Variants in STAG1 observed in about 807,000 individuals in gnomAD.
The protein encoded by STAG1 is cohesin subunit SA-1.
STAG1 carries 26 observed loss-of-function variants against 170.9 expected under a neutral mutation model. The observed-to-expected ratio is 0.15, with a 90% confidence interval of 0.11 to 0.21. STAG1 has a LOEUF of 0.21. Ranked by LOEUF, STAG1 falls within the 10% of genes least tolerant of loss-of-function variation. The pLI, the probability that STAG1 is intolerant of heterozygous loss-of-function variation, is 1.00. For synonymous variants in STAG1, 514 were observed against 497.7 expected (o/e 1.03, Z -0.44); for missense variants, 964 against 1,509.5 (o/e 0.64, Z 5.99).
At chr3:136,627,200 T>C (rs1437555466) in intron 2 of STAG1, among the ~76,000 whole-genome samples, 1 of 152,232 alleles carries the variant, frequency 6.6e-6, no homozygotes, top group African/African-American at 2.4e-5. Flanking sequence ...CACTGTTATG[T>C]GTTAGTATGT....
intron 21 of STAG1, among the ~76,000 whole-genome samples, chr3:136,407,757 T>G (rs1037079762): frequency 6.6e-6 from 1 of 151,998 alleles, no homozygotes; most frequent in East Asian, 1.9e-4. Flanking sequence ...TCACTGTGAC[T>G]GGACTGTATT....
chr3:136,356,419 C>T (rs959923799), intron 28 of STAG1, among the ~76,000 whole-genome samples: 1 of 152,156 alleles, frequency 6.6e-6, no homozygotes, highest in African/African-American at 2.4e-5. Context: ...CCCAGGCTGT[C>T]ACCCAGGCTG....
intron 23 of STAG1, among the ~76,000 whole-genome samples, chr3:136,372,637 T>A (rs535122437): frequency 5.3e-5 from 8 of 152,344 alleles, no homozygotes; most frequent in Admixed American, 3.3e-4. Context: ...TCTGTTTATA[T>A]GCTGGATTAC....
intron 1 of STAG1, among the ~76,000 whole-genome samples, chr3:136,660,802 T>A (rs1559935953): frequency 1.4e-5 from 2 of 147,654 alleles, no homozygotes; most frequent in African/African-American, 2.5e-5. Flanking sequence ...ACCCAATCTC[T>A]AAAAAAAAAA....
At chr3:136,346,188 C>T (rs1416004621) in intron 29 of STAG1, among the ~76,000 whole-genome samples, 2 of 152,206 alleles carry the variant, frequency 1.3e-5, no homozygotes, top group Non-Finnish European at 2.9e-5. Flanking sequence ...TGAAATCAAA[C>T]AGCCTGTTTC....
rs1459837743 is a variant in STAG1 at position 136,417,397 on chromosome 3, A to G, written c.2196+488T>C. On this transcript the variant is annotated intron_variant, in intron 21 of 33. Transcript: ENST00000383202. ...ATTATTCTACTGAAGTCTCTTTCAG[A>G]TTAGGCAAAGTTTGTTGAATTTCTG... Among the ~76,000 whole-genome samples, 7 of 152,196 alleles carry G rather than the reference A, an allele frequency of 4.6e-5. No homozygotes were observed. In the East Asian group the frequency reaches 1.3e-3, roughly 29 times the overall value.
In STAG1 at chr3:136,417,892, G is replaced by A; in HGVS notation, c.2189C>T (p.Pro730Leu). ...ATACCAATAAACTCCTACCTGTTCT[G>A]GCATGGCTCCATGTTCAATTCCAGT... ...LKTGIEHGAMPEQIVVQALQC... is the reference protein window; with the variant it reads ...LKTGIEHGAMLEQIVVQALQC... Residue 730 changes from proline (P) to leucine (L), a missense_variant, in exon 21 of 34, where the codon CCA (proline) becomes CTA (leucine). This residue lies in a region of STAG1 where 232 missense variants were observed against 313.0 expected (regional missense o/e 0.74). Coordinates refer to ENST00000383202, the MANE Select transcript of STAG1 (RefSeq NM_005862.3). 6.2e-7 allele frequency: 1 copy of A among 1,612,886 alleles called. No homozygotes were observed. Among genetic ancestry groups the A allele is most frequent in the Non-Finnish European group, 8.5e-7 (1 of 1,178,960 alleles).
At chr3:136,687,849 G>C (rs1235919642) in intron 1 of STAG1, among the ~76,000 whole-genome samples, 1 of 151,276 alleles carries the variant, frequency 6.6e-6, no homozygotes, top group African/African-American at 2.4e-5. Context: ...TGATTCTCCT[G>C]CCTCAGCCTC....
intron 12 of STAG1, among the ~76,000 whole-genome samples, chr3:136,465,222 C>CT (rs63439962): frequency 0.43 from 59,059 of 136,132 alleles, 13,333 homozygotes; most frequent in East Asian, 0.8. Context: ...TCTTCTACAG[C>CT]TTTTTTTTTT....
chr3:136,457,797 T>A (rs1419472993), intron 13 of STAG1, among the ~76,000 whole-genome samples: 1 of 152,068 alleles, frequency 6.6e-6, no homozygotes, highest in Non-Finnish European at 1.5e-5. Flanking sequence ...GAAAAAACTA[T>A]TAAAAATAAC....
intron 3 of STAG1, among the ~76,000 whole-genome samples, chr3:136,610,028 C>A (rs1939188548): frequency 6.6e-6 from 1 of 151,830 alleles, no homozygotes; most frequent in African/African-American, 2.4e-5. Context: ...TTTTTTATAG[C>A]AGAATTTTCT....
chr3:136,466,261 A>AG (rs1559819971), intron 12 of STAG1, among the ~76,000 whole-genome samples: 1 of 152,150 alleles, frequency 6.6e-6, no homozygotes, highest in African/African-American at 2.4e-5. Flanking sequence ...TTGAAAAAAG[A>AG]CTAGATGAAT....
At chr3:136,400,819 C>G (rs996573867) in intron 21 of STAG1, among the ~76,000 whole-genome samples, 5 of 152,188 alleles carry the variant, frequency 3.3e-5, no homozygotes, top group Admixed American at 3.3e-4. Context: ...CAGGTGTGAG[C>G]CACCGTGCCT....
chr3:136,543,444 G>A (rs1381592979), intron 5 of STAG1, among the ~76,000 whole-genome samples: 1 of 152,156 alleles, frequency 6.6e-6, no homozygotes, highest in Non-Finnish European at 1.5e-5. Flanking sequence ...GGGCACAAAA[G>A]ACGGAATATA....
At chr3:136,455,284 C>T (rs2089076102) in intron 13 of STAG1, among the ~76,000 whole-genome samples, 1 of 152,150 alleles carries the variant, frequency 6.6e-6, no homozygotes, top group Admixed American at 6.6e-5. Flanking sequence ...TGCTAGAACT[C>T]TGAAGAGAAG....
intron 1 of STAG1, among the ~76,000 whole-genome samples, chr3:136,750,138 C>G (rs543602387): frequency 6.6e-6 from 1 of 152,264 alleles, no homozygotes; most frequent in African/African-American, 2.4e-5. Flanking sequence ...GTGTGTTTTT[C>G]ACAGACATCT....
At chr3:136,382,972 T>C (rs1938059928) in intron 22 of STAG1, among the ~76,000 whole-genome samples, 1 of 152,218 alleles carries the variant, frequency 6.6e-6, no homozygotes, top group African/African-American at 2.4e-5. Context: ...TAATTTAGGT[T>C]CCTGAAAATT....
At chr3:136,558,987 T>C (rs1397520489) in intron 5 of STAG1, among the ~76,000 whole-genome samples, 1 of 152,166 alleles carries the variant, frequency 6.6e-6, no homozygotes. Flanking sequence ...TTTTTGCTTG[T>C]TACAACTGGA....
chr3:136,537,540 G>A (rs1935697445), intron 6 of STAG1, among the ~76,000 whole-genome samples: 4 of 127,152 alleles, frequency 3.1e-5, no homozygotes, highest in Non-Finnish European at 6.5e-5. Flanking sequence ...TCACTCCATT[G>A]CCCAGGCTGG....
Sources: allele counts gnomAD v4.1 joint callset (sites outside exome capture counted in the v4.1 genomes callset), GRCh38; gene constraint gnomAD v4.1.1; regional missense constraint gnomAD v4.1.1; transcripts MANE v1.5; gene names NCBI Gene and HGNC (gene_info 2026-07-23, HGNC 2026-07-21).